CSMD1: variants seen among roughly 807,000 people sequenced by gnomAD.
CSMD1 encodes the protein CUB and Sushi multiple domains 1.
A neutral mutation model predicts 417.5 loss-of-function variants in CSMD1; 213 were observed. The observed-to-expected ratio is 0.51, with a 90% CI of 0.46 to 0.57. CSMD1 has a LOEUF of 0.57. Ranked by LOEUF, CSMD1 falls within the 20% of genes least tolerant of loss-of-function variation. CSMD1 has a pLI of 0.00. For missense variants in CSMD1, 6,923 were observed against 4,529.7 expected (o/e 1.53, Z -15.17); for synonymous variants, 2,862 against 1,736.8 (o/e 1.65, Z -16.11).
intron 3 of CSMD1, among the ~76,000 whole-genome samples, chr8:4,279,187 G>C (rs1356821943): frequency 6.6e-6 from 1 of 151,808 alleles, no homozygotes; most frequent in Non-Finnish European, 1.5e-5. Context: ...GTCTGTCTCT[G>C]TAAACGCAGT....
intron 7 of CSMD1, among the ~76,000 whole-genome samples, chr8:3,659,272 A>G (rs553064422): frequency 1.2e-4 from 18 of 152,342 alleles, no homozygotes; most frequent in African/African-American, 4.3e-4. Flanking sequence ...AAAGACTACC[A>G]AATTGCAGAG....
At chr8:3,040,436 T>C (rs891120386) in intron 50 of CSMD1, among the ~76,000 whole-genome samples, 1 of 147,510 alleles carries the variant, frequency 6.8e-6, no homozygotes, top group Non-Finnish European at 1.5e-5. Context: ...TATATGTATA[T>C]ACAAAATGAT....
chr8:3,775,048 T>A (rs1466750738), intron 5 of CSMD1, among the ~76,000 whole-genome samples: 1 of 152,144 alleles, frequency 6.6e-6, no homozygotes, highest in Non-Finnish European at 1.5e-5. Flanking sequence ...TTACTCAGAA[T>A]AGCATACAAT....
chr8:4,796,209 A>G (rs1259157153), intron 1 of CSMD1, among the ~76,000 whole-genome samples: 2 of 151,888 alleles, frequency 1.3e-5, no homozygotes, highest in Non-Finnish European at 2.9e-5. Context: ...CTCCCCCTGC[A>G]TCTAGTTGCT....
chr8:3,343,926 G>A (rs117308991), intron 22 of CSMD1, among the ~76,000 whole-genome samples: 3,201 of 152,140 alleles, frequency 0.021, 36 homozygotes, highest in Middle Eastern at 0.034. Context: ...AAGATGTGCC[G>A]GAATCTTGTC....
chr8:4,072,920 T>C (rs1799633844), intron 3 of CSMD1, among the ~76,000 whole-genome samples: 1 of 152,206 alleles, frequency 6.6e-6, no homozygotes, highest in African/African-American at 2.4e-5. Flanking sequence ...ACCTTGGATA[T>C]TACCACTTAG....
chr8:4,392,988 A>C (rs1185612438), intron 3 of CSMD1, among the ~76,000 whole-genome samples: 2 of 151,944 alleles, frequency 1.3e-5, no homozygotes, highest in Non-Finnish European at 2.9e-5. Context: ...AAACAAACAA[A>C]AAAGAGAGAT....
intron 5 of CSMD1, among the ~76,000 whole-genome samples, chr8:3,918,842 A>G (rs759997327): frequency 1.4e-4 from 22 of 152,126 alleles, no homozygotes; most frequent in Non-Finnish European, 2.2e-4. Flanking sequence ...TGCAAAGATA[A>G]TTAGAATGAC....
chr8:3,346,048 A>G (rs1025502823), intron 22 of CSMD1, among the ~76,000 whole-genome samples: 1 of 152,204 alleles, frequency 6.6e-6, no homozygotes, highest in East Asian at 1.9e-4. Flanking sequence ...CGAAGGATCA[A>G]TGTGAACAGC....
chr8:3,549,087 A>G lies in CSMD1; in HGVS notation c.1344+25858T>C, dbSNP rs547601540. On this transcript the variant is annotated intron_variant, in intron 10 of 69. Transcript: ENST00000635120. ...CCCACTTCCCTCTGCTGAAGCCTCC[A>G]TCTCAGAGCCACACATTGCCATGCA... Among the ~76,000 whole-genome samples, 7 of 152,140 alleles carry G rather than the reference A, an allele frequency of 4.6e-5. No individual in the cohort carries two copies. In the East Asian group the frequency reaches 1.4e-3, roughly 29 times the overall value.
rs994464276 is a variant in CSMD1, at chr8:3,772,597, A to T, written c.819-18555T>A. ...TATATACACATATATTTATATACAT[A>T]TATACACATATATTTATATACATAT... is the stretch of plus-strand genomic sequence containing the variant. On this transcript the variant is annotated intron_variant, in intron 5 of 69. Transcript: ENST00000635120. Among the ~76,000 whole-genome samples the T allele has an allele frequency of 1.8e-4, 26 of 141,224 alleles. No individual in the cohort carries two copies. The South Asian group carries it at 5.6e-3, about 30-fold the overall frequency. The allele number at this position is 141,224 out of a possible 152,430, so 92.6% of individuals were successfully genotyped here. A position where few individuals can be genotyped will look rare whatever the true frequency, so the allele number is the denominator to read the frequency against.
chr8:3,307,258 A>C (rs1273377709), intron 25 of CSMD1, among the ~76,000 whole-genome samples: 1 of 151,988 alleles, frequency 6.6e-6, no homozygotes, highest in Admixed American at 6.6e-5. Context: ...CACCGTGACT[A>C]GCCTGCTGCA....
Position 3,181,104 on chromosome 8 carries a change from C to G in CSMD1, c.5725+6G>C. On this transcript the variant is annotated splice_donor_region_variant and intron_variant, in intron 37 of 69. Transcript: ENST00000635120. Reference sequence around the variant, plus strand: ...GGAAGCTGTATACAGAAAGAGTTGACCTTACTTTTGTATTCCAGGTGGAAA... The same window carrying G: ...GGAAGCTGTATACAGAAAGAGTTGAGCTTACTTTTGTATTCCAGGTGGAAA... The G allele has an allele frequency of 6.3e-7, 1 of 1,594,160 alleles. No homozygotes were observed.
chr8:4,699,835 A>T (rs1234899813), intron 1 of CSMD1, among the ~76,000 whole-genome samples: 7 of 152,238 alleles, frequency 4.6e-5, no homozygotes, highest in Admixed American at 4.6e-4. Context: ...TGCAGAGAGT[A>T]CAAGTGAGAT....
intron 1 of CSMD1, among the ~76,000 whole-genome samples, chr8:4,691,157 T>C (rs938808673): frequency 1.3e-5 from 2 of 152,194 alleles, no homozygotes; most frequent in African/African-American, 2.4e-5. Flanking sequence ...GGGAAGGAAG[T>C]GAAGGAATCA....
At chr8:3,335,271 T>A (rs1258916047) in intron 23 of CSMD1, among the ~76,000 whole-genome samples, 1 of 152,148 alleles carries the variant, frequency 6.6e-6, no homozygotes, top group Non-Finnish European at 1.5e-5. Context: ...AACCTCTCAG[T>A]CACTGTGATG....
chr8:4,273,232 A>G (rs1022353534), intron 3 of CSMD1, among the ~76,000 whole-genome samples: 9 of 152,178 alleles, frequency 5.9e-5, no homozygotes, highest in Admixed American at 1.3e-4. Flanking sequence ...CTCATAAAAT[A>G]TAACTTATAA....
intron 23 of CSMD1, among the ~76,000 whole-genome samples, chr8:3,314,928 A>G (rs868104314): frequency 3.3e-5 from 5 of 152,228 alleles, no homozygotes; most frequent in Non-Finnish European, 7.3e-5. Flanking sequence ...TTCAGCTTCT[A>G]TCTGAGCAAC....
chr8:3,091,004 G>C (rs1197327794), intron 48 of CSMD1, among the ~76,000 whole-genome samples: 1 of 151,958 alleles, frequency 6.6e-6, no homozygotes, highest in African/African-American at 2.4e-5. Context: ...TTTACATTTT[G>C]ATGAGGAATA....
Sources: gnomAD v4.1 joint callset for allele counts (sites outside exome capture counted in the v4.1 genomes callset) on GRCh38, gnomAD v4.1.1 for gene constraint, MANE v1.5 for transcripts, NCBI Gene and HGNC (gene_info 2026-07-23, HGNC 2026-07-21) for gene names.